Variants in ERC2 observed in about 807,000 individuals in gnomAD.
The protein encoded by ERC2 is ELKS/RAB6-interacting/CAST family member 2.
In ERC2, 42 loss-of-function variants were observed where a neutral mutation model predicts 114.8. The ratio of observed to expected loss-of-function variants is 0.37; its 90% CI spans 0.29 to 0.47. ERC2 has a LOEUF of 0.47. Ranked by LOEUF, ERC2 falls within the 20% of genes least tolerant of loss-of-function variation. The pLI is 0.99. For missense variants in ERC2, 939 were observed against 1,150.7 expected (o/e 0.82, Z 2.66); for synonymous variants, 454 against 425.5 (o/e 1.07, Z -0.82).
At chr3:56,239,720 A>C (rs953342823) in intron 3 of ERC2, among the ~76,000 whole-genome samples, 4 of 152,192 alleles carry the variant, frequency 2.6e-5, no homozygotes, top group Admixed American at 2.0e-4. Context: ...TACTACGCGC[A>C]CTGCTTAAAC....
chr3:56,239,743 A>G (rs2051203266), intron 3 of ERC2, among the ~76,000 whole-genome samples: 1 of 152,216 alleles, frequency 6.6e-6, no homozygotes, highest in Admixed American at 6.5e-5. Context: ...GTATAGTAAA[A>G]GAAACAGCTT....
chr3:55,686,287 G>A (rs1353056051), intron 16 of ERC2, among the ~76,000 whole-genome samples: 1 of 152,188 alleles, frequency 6.6e-6, no homozygotes, highest in Non-Finnish European at 1.5e-5. Flanking sequence ...CAGAAATGTG[G>A]ATAAATTCCT....
rs753455840 is a variant in ERC2 at position 56,040,582 on chromosome 3, T to TATACATATACATGTATATGTATAC, written c.1642-21552_1642-21551insGTATACATATACATGTATATGTAT. Among the ~76,000 whole-genome samples the TATACATATACATGTATATGTATAC allele has an allele frequency of 4.1e-3, 403 of 98,032 alleles. 33 individuals are homozygous for TATACATATACATGTATATGTATAC. The highest frequency in any genetic ancestry group is 0.014 in the African/African-American group (382 of 28,252). 64.3% of individuals were successfully genotyped at this position (98,032 alleles called of 152,430 possible). ...ATATAGAGATGTATATATGTATACA[T>TATACATATACATGTATATGTATAC]ATACATATATATCTATATATGTATA... On this transcript the variant is annotated intron_variant, in intron 7 of 17. Coordinates refer to ENST00000288221, the MANE Select transcript of ERC2 (RefSeq NM_015576.3).
intron 17 of ERC2, among the ~76,000 whole-genome samples, chr3:55,545,353 T>C (rs572090650): frequency 2.5e-4 from 38 of 152,150 alleles, no homozygotes; most frequent in Non-Finnish European, 2.4e-4. Context: ...ATCAGAAGGA[T>C]GGAGTGGTAA....
At chr3:55,575,646 G>A (rs1228018314) in intron 17 of ERC2, among the ~76,000 whole-genome samples, 1 of 152,170 alleles carries the variant, frequency 6.6e-6, no homozygotes, top group East Asian at 1.9e-4. Context: ...GCCCCAGAGG[G>A]CTCCCCACCA....
rs1417936564 is a variant in ERC2, at chr3:55,850,240, T to G, written c.2564+38149A>C. On this transcript the variant is annotated intron_variant, in intron 14 of 17. Coordinates refer to ENST00000288221, the MANE Select transcript of ERC2 (RefSeq NM_015576.3). ...CATCCAAATATAGGATGTTCTCATC[T>G]TGAGATACTTACATTAATTACATCT... Among the ~76,000 whole-genome samples, 5 of 152,306 alleles carry G rather than the reference T, an allele frequency of 3.3e-5. No individual in the cohort carries two copies. The East Asian group carries it at 9.6e-4, about 29-fold the overall frequency.
intron 7 of ERC2, among the ~76,000 whole-genome samples, chr3:56,062,682 T>C (rs2076294384): frequency 6.6e-6 from 1 of 152,094 alleles, no homozygotes; most frequent in African/African-American, 2.4e-5. Context: ...TATGCATGCC[T>C]TTCCCTGCCC....
intron 10 of ERC2, among the ~76,000 whole-genome samples, chr3:55,996,392 T>C (rs1452566429): frequency 6.6e-6 from 1 of 152,156 alleles, no homozygotes; most frequent in African/African-American, 2.4e-5. Context: ...ACTAAAGGAA[T>C]ATCAATAAGC....
intron 14 of ERC2, among the ~76,000 whole-genome samples, chr3:55,818,781 A>G (rs945343214): frequency 6.6e-6 from 1 of 152,272 alleles, no homozygotes. Context: ...AAGTGCCTCC[A>G]AACTCACTAC....
At chr3:56,303,082 C>T (rs2055992753) in intron 2 of ERC2, among the ~76,000 whole-genome samples, 1 of 152,218 alleles carries the variant, frequency 6.6e-6, no homozygotes. Context: ...CAGTTGTCTG[C>T]AAAGATTCAA....
At chr3:55,530,036 C>T (rs1250857440) in intron 17 of ERC2, among the ~76,000 whole-genome samples, 1 of 152,152 alleles carries the variant, frequency 6.6e-6, no homozygotes, top group African/African-American at 2.4e-5. Context: ...TAAAGGATTC[C>T]TCTTTGGAGA....
chr3:55,625,668 G>T (rs1448755479), intron 17 of ERC2, among the ~76,000 whole-genome samples: 2 of 152,012 alleles, frequency 1.3e-5, no homozygotes, highest in East Asian at 3.9e-4. Flanking sequence ...GGAGAATGGC[G>T]TGAACCTGGG....
At chr3:55,692,715 C>T (rs956482464) in intron 16 of ERC2, among the ~76,000 whole-genome samples, 1 of 152,200 alleles carries the variant, frequency 6.6e-6, no homozygotes, top group East Asian at 1.9e-4. Context: ...GTGCTGCAGC[C>T]TCTCTGAAGC....
At chr3:55,828,451 T>C (rs988437350) in intron 14 of ERC2, among the ~76,000 whole-genome samples, 1 of 91,094 alleles carries the variant, frequency 1.1e-5, no homozygotes, top group Non-Finnish European at 2.0e-5. Flanking sequence ...AAAGGCGGAG[T>C]GTAGCTGGCA....
At chr3:55,750,471 A>T (rs952862076) in intron 14 of ERC2, among the ~76,000 whole-genome samples, 2 of 152,212 alleles carry the variant, frequency 1.3e-5, no homozygotes, top group Admixed American at 6.5e-5. Flanking sequence ...GTTAAAGACT[A>T]AACTTGGCCC....
At chr3:55,993,855 T>A (rs989307662) in intron 10 of ERC2, among the ~76,000 whole-genome samples, 1 of 152,108 alleles carries the variant, frequency 6.6e-6, no homozygotes, top group African/African-American at 2.4e-5. Flanking sequence ...TGAAAGAGAA[T>A]CCTGAGCTAA....
At chr3:55,772,388 C>T (rs2068282815) in intron 14 of ERC2, among the ~76,000 whole-genome samples, 1 of 152,112 alleles carries the variant, frequency 6.6e-6, no homozygotes, top group African/African-American at 2.4e-5. Context: ...GATCTCGGCT[C>T]ACTGCAAGCT....
intron 17 of ERC2, among the ~76,000 whole-genome samples, chr3:55,667,668 A>C (rs556548145): frequency 1.3e-5 from 2 of 152,342 alleles, no homozygotes; most frequent in Admixed American, 1.3e-4. Context: ...CACCGTGCCC[A>C]GCACTTCACT....
chr3:56,262,446 C>T (rs2053003956), intron 3 of ERC2, among the ~76,000 whole-genome samples: 1 of 152,160 alleles, frequency 6.6e-6, no homozygotes, highest in African/African-American at 2.4e-5. Context: ...ATTTGAGTAG[C>T]AATGTATTAA....
Sources: allele counts gnomAD v4.1 joint callset (sites outside exome capture counted in the v4.1 genomes callset), GRCh38; gene constraint gnomAD v4.1.1; transcripts MANE v1.5; gene names NCBI Gene and HGNC (gene_info 2026-07-23, HGNC 2026-07-21).